Variants in ALK observed in about 807,000 individuals in gnomAD.
ALK encodes ALK receptor tyrosine kinase.
Under a neutral mutation model 163.1 loss-of-function variants are expected in ALK, and 74 were observed. The ratio of observed to expected loss-of-function variants is 0.45; its 90% CI spans 0.38 to 0.55. The LOEUF (loss-of-function observed/expected upper bound fraction) is 0.55. Ranked by LOEUF, ALK falls within the 20% of genes least tolerant of loss-of-function variation. The pLI is 0.00. For missense variants in ALK, 2,063 were observed against 2,105.3 expected, an observed-to-expected ratio of 0.98 and a Z score of 0.39; for synonymous variants, 960 against 843.2, an observed-to-expected ratio of 1.14 and a Z score of -2.40.
chr2:29,541,148 C>A (rs1482231627), intron 3 of ALK, among the ~76,000 whole-genome samples: 1 of 152,186 alleles, frequency 6.6e-6, no homozygotes, highest in Non-Finnish European at 1.5e-5. Flanking sequence ...CCAAACTGAT[C>A]TATTCTCAGG....
intron 1 of ALK, among the ~76,000 whole-genome samples, chr2:29,916,382 C>G (rs898150994): frequency 6.6e-6 from 1 of 152,172 alleles, no homozygotes; most frequent in Non-Finnish European, 1.5e-5. Context: ...TTTAGCCCAG[C>G]CATATATATT....
rs1208147467 is a variant in ALK at position 29,253,886 on chromosome 2, A to AG, written c.2042-2620dup. On this transcript the variant is annotated intron_variant, in intron 11 of 28. Transcript: ENST00000389048. ...TAGATAGATAGATAGATAGATAGAT[A>AG]GATAGATAGGTAGATAGCTGTGGTT... 1.4e-4 allele frequency among the ~76,000 whole-genome samples: 20 copies of AG among 142,374 alleles called. No individual in the cohort carries two copies. In the East Asian group the frequency reaches 3.9e-3, roughly 27 times the overall value. The allele number at this position is 142,374 out of a possible 152,430, so 93.4% of individuals were successfully genotyped here.
intron 1 of ALK, among the ~76,000 whole-genome samples, chr2:29,822,399 G>A (rs888849173): frequency 5.3e-5 from 8 of 152,218 alleles, no homozygotes. Context: ...GGAGGACAGA[G>A]GAAATGGGAA....
chr2:29,606,654 G>A (rs1302385563), intron 3 of ALK, among the ~76,000 whole-genome samples: 1 of 152,184 alleles, frequency 6.6e-6, no homozygotes, highest in Non-Finnish European at 1.5e-5. Context: ...GCCTGTTTTT[G>A]TAAATAAAGT....
chr2:29,650,402 T>G (rs76155026), intron 3 of ALK, among the ~76,000 whole-genome samples: 4,933 of 152,204 alleles, frequency 0.032, 173 homozygotes, highest in African/African-American at 0.089. Context: ...TAAACATATT[T>G]CACAATATCA....
At chr2:29,510,189 C>G (rs1672472052) in intron 4 of ALK, among the ~76,000 whole-genome samples, 1 of 152,128 alleles carries the variant, frequency 6.6e-6, no homozygotes. Flanking sequence ...TTCATCCCAC[C>G]CAGGCAGTGA....
intron 26 of ALK, among the ~76,000 whole-genome samples, chr2:29,198,728 A>C (rs1669085311): frequency 6.6e-6 from 1 of 152,204 alleles, no homozygotes; most frequent in African/African-American, 2.4e-5. Context: ...TTAAGGGAAA[A>C]AATGGTAGAA....
intron 4 of ALK, among the ~76,000 whole-genome samples, chr2:29,505,736 A>G (rs1573410398): frequency 6.6e-6 from 1 of 151,758 alleles, no homozygotes; most frequent in Non-Finnish European, 1.5e-5. Context: ...TGGCAGAGAA[A>G]TCACCATTCT....
At chr2:29,427,277 T>C (rs926827614) in intron 4 of ALK, among the ~76,000 whole-genome samples, 28 of 152,024 alleles carry the variant, frequency 1.8e-4, no homozygotes, top group Admixed American at 3.9e-4. Flanking sequence ...ACTATAAATA[T>C]ATACTTGCTC....
Position 29,275,189 on chromosome 2 carries a change from T to C in ALK, c.1951A>G (p.Lys651Glu). 1 of 1,614,190 alleles carries C rather than the reference T, an allele frequency of 6.2e-7. No homozygotes were observed. Among genetic ancestry groups the C allele is most frequent in the South Asian group, 1.1e-5 (1 of 91,078 alleles). ...TTTCTCTCAAACAGGTTTCTTGATT[T>C]GGGTGCTGTATTCTGCAGGATCTTG... ...EDKILQNTAP[K>E]SRNLFERNPN... The change falls in exon 11 of 29, where the codon AAA becomes GAA. Residue 651 changes from lysine (K) to glutamate (E), a missense_variant. Transcript: ENST00000389048.
intron 1 of ALK, among the ~76,000 whole-genome samples, chr2:29,761,744 C>T (rs1462606078): frequency 2.6e-5 from 4 of 152,198 alleles, no homozygotes. Context: ...TGCAAAATGG[C>T]TTGTCCTCTG....
intron 3 of ALK, among the ~76,000 whole-genome samples, chr2:29,669,102 A>G (rs1469225034): frequency 3.9e-5 from 6 of 151,986 alleles, no homozygotes; most frequent in African/African-American, 1.4e-4. Flanking sequence ...TGCAAATATC[A>G]GTTAGGCACA....
chr2:29,718,325 TTCCTG>T (rs950703484), intron 1 of ALK, among the ~76,000 whole-genome samples: 21 of 152,360 alleles, frequency 1.4e-4, no homozygotes, highest in African/African-American at 5.0e-4. Context: ...AGAAGCATTA[TTCCTG>T]TCCTTAGCAG....
rs181237664 is a variant in ALK at position 29,268,654 on chromosome 2, G to A, written c.2041+6445C>T. ...CATTGGGCGCTGAGTTGAATCTCCCGAGTGGAAAGAAAACAGCTGATTTGG... is the reference window on the plus strand; with the variant it reads ...CATTGGGCGCTGAGTTGAATCTCCCAAGTGGAAAGAAAACAGCTGATTTGG... On this transcript the variant is annotated intron_variant, in intron 11 of 28. Coordinates refer to ENST00000389048, the MANE Select transcript of ALK (RefSeq NM_004304.5). 3.4e-4 allele frequency among the ~76,000 whole-genome samples: 52 copies of A among 152,282 alleles called. 1 individual carries two copies. In the South Asian group the frequency reaches 6.4e-3, roughly 19 times the overall value.
chr2:29,889,432 T>C (rs151075795), intron 1 of ALK, among the ~76,000 whole-genome samples: 38 of 152,206 alleles, frequency 2.5e-4, no homozygotes, highest in African/African-American at 8.9e-4. Flanking sequence ...AATGTCTAGA[T>C]TATCAGGTGT....
intron 1 of ALK, among the ~76,000 whole-genome samples, chr2:29,809,222 G>A (rs1353415571): frequency 6.6e-6 from 1 of 152,178 alleles, no homozygotes; most frequent in African/African-American, 2.4e-5. Context: ...TTAAAATAAT[G>A]AATATTATGT....
intron 1 of ALK, among the ~76,000 whole-genome samples, chr2:29,851,682 A>C (rs1160554959): frequency 7.9e-5 from 12 of 152,190 alleles, no homozygotes; most frequent in Admixed American, 7.9e-4. Flanking sequence ...TTTAAGGACC[A>C]CTGTCTAGAC....
chr2:29,203,703 C>T (rs1276311686), intron 26 of ALK, among the ~76,000 whole-genome samples: 3 of 151,522 alleles, frequency 2.0e-5, no homozygotes, highest in African/African-American at 7.3e-5. Flanking sequence ...CCAGGCTGGT[C>T]TCGAACTCCT....
chr2:29,630,743 T>G (rs1345381372), intron 3 of ALK, among the ~76,000 whole-genome samples: 1 of 152,154 alleles, frequency 6.6e-6, no homozygotes, highest in Admixed American at 6.5e-5. Flanking sequence ...CAGGCTATAT[T>G]TTGAAATTTT....
Sources: gnomAD v4.1 joint callset for allele counts (sites outside exome capture counted in the v4.1 genomes callset) on GRCh38, gnomAD v4.1.1 for gene constraint, MANE v1.5 for transcripts, NCBI Gene and HGNC (gene_info 2026-07-23, HGNC 2026-07-21) for gene names.